DMD: variants seen among roughly 807,000 people sequenced by gnomAD.
DMD encodes the protein mutant dystrophin.
DMD carries 63 observed loss-of-function variants against 330.1 expected under a neutral mutation model. The ratio of observed to expected loss-of-function variants is 0.19; its 90% CI spans 0.16 to 0.24. DMD has a LOEUF of 0.24. Ranked by LOEUF, DMD falls within the 10% of genes least tolerant of loss-of-function variation. DMD has a pLI of 1.00. For synonymous variants in DMD, 1,223 were observed against 959.8 expected, an observed-to-expected ratio of 1.27 and a Z score of -5.07; for missense variants, 3,344 against 2,684.1, an observed-to-expected ratio of 1.25 and a Z score of -5.43.
intron 20 of DMD, among the ~76,000 whole-genome samples, chrX:32,489,356 G>A (rs1270197938): frequency 1.8e-5 from 2 of 110,060 alleles, no homozygotes; most frequent in African/African-American, 6.6e-5. Context: ...CGGGGTGGGG[G>A]GCTAATCCCT....
At chrX:33,251,733 C>G (rs374938935) in intron 1 of DMD, among the ~76,000 whole-genome samples, 1 of 111,579 alleles carries the variant, frequency 9.0e-6, no homozygotes, top group African/African-American at 3.3e-5. Flanking sequence ...GATTCTTCTC[C>G]CCAGAGATAC....
intron 27 of DMD, among the ~76,000 whole-genome samples, chrX:32,445,926 T>C (rs1477446133): frequency 9.0e-6 from 1 of 111,189 alleles, no homozygotes; most frequent in Non-Finnish European, 1.9e-5. Flanking sequence ...ACTATTTCTC[T>C]ATTGAAGGAT....
rs1470041213 is a variant in DMD, at chrX:32,785,305, G to A, written c.649+24188C>T. Among the ~76,000 whole-genome samples, 3 of 110,657 alleles carry A rather than the reference G, an allele frequency of 2.7e-5. No individual in the cohort carries two copies. The East Asian group carries it at 8.5e-4, about 31-fold the overall frequency. On this transcript the variant is annotated intron_variant, in intron 7 of 78. Transcript: ENST00000357033. ...CATAATATTAATGTATTTGGCTTGT[G>A]TAAGTAACAATATTTAAGCTCTGAC...
chrX:32,731,317 T>C (rs111719928), intron 7 of DMD, among the ~76,000 whole-genome samples: 4,091 of 111,684 alleles, frequency 0.037, 101 homozygotes, highest in African/African-American at 0.099. Context: ...AACTGCAAGG[T>C]GGCAGCAAGG....
intron 55 of DMD, among the ~76,000 whole-genome samples, chrX:31,603,980 C>T (rs2077491180): frequency 1.8e-5 from 2 of 112,343 alleles, no homozygotes; most frequent in South Asian, 7.3e-4. Context: ...CATCACCCTT[C>T]CTGGGAAATG....
Position 31,810,025 on chromosome X carries a change from T to A in DMD, c.7309+9950A>T, listed in dbSNP as rs190389934. Among the ~76,000 whole-genome samples the A allele has an allele frequency of 1.4e-4, 15 of 107,580 alleles. No individual in the cohort carries two copies. In the East Asian group the frequency reaches 4.5e-3, roughly 32 times the overall value. 93.4% of individuals were successfully genotyped at this position (107,580 alleles called of 115,157 possible). On this transcript the variant is annotated intron_variant, in intron 50 of 78. Transcript: ENST00000357033. ...TTATTATTACATGGGAAGGTTGATGTATTTGATCTATCTGTAAAATATATG... is the reference window on the plus strand; with the variant it reads ...TTATTATTACATGGGAAGGTTGATGAATTTGATCTATCTGTAAAATATATG...
chrX:32,204,084 C>T (rs1331471372), intron 44 of DMD, among the ~76,000 whole-genome samples: 1 of 111,254 alleles, frequency 9.0e-6, no homozygotes, highest in African/African-American at 3.3e-5. Flanking sequence ...AGACCTTGTC[C>T]TGTAGTCAGT....
chrX:33,081,883 A>T (rs1032036993), intron 1 of DMD, among the ~76,000 whole-genome samples: 8 of 111,100 alleles, frequency 7.2e-5, no homozygotes, highest in Non-Finnish European at 1.9e-5. Context: ...CAGATAACAC[A>T]ATGAAAAACA....
At chrX:33,104,992 C>T (rs5972751) in intron 1 of DMD, among the ~76,000 whole-genome samples, 36,459 of 110,675 alleles carry the variant, frequency 0.33, 4,778 homozygotes, top group East Asian at 0.84. Context: ...TCCCATTCTC[C>T]CCCAGTTAAA....
chrX:31,135,909 A>C (rs1375112887), intron 76 of DMD, among the ~76,000 whole-genome samples: 1 of 112,111 alleles, frequency 8.9e-6, no homozygotes, highest in African/African-American at 3.2e-5. Flanking sequence ...TTCGGAAGCC[A>C]GTGACTAAAT....
chrX:31,264,645 T>C (rs2050855670), intron 62 of DMD, among the ~76,000 whole-genome samples: 1 of 112,068 alleles, frequency 8.9e-6, no homozygotes, highest in South Asian at 3.7e-4. Flanking sequence ...TGATAATCTT[T>C]TTCCCTTTTA....
chrX:31,935,880 C>A (rs1180585003), intron 45 of DMD, among the ~76,000 whole-genome samples: 1 of 110,960 alleles, frequency 9.0e-6, no homozygotes, highest in East Asian at 2.8e-4. Flanking sequence ...AAATCAAACA[C>A]TCCCCTCTTT....
intron 54 of DMD, among the ~76,000 whole-genome samples, chrX:31,638,791 T>C (rs898301205): frequency 4.4e-5 from 5 of 112,382 alleles, no homozygotes; most frequent in Admixed American, 1.9e-4. Context: ...GTAAGTTGCA[T>C]TTAGCATTTT....
intron 11 of DMD, among the ~76,000 whole-genome samples, chrX:32,614,675 CAT>C (rs2057421352): frequency 9.0e-6 from 1 of 111,429 alleles, no homozygotes; most frequent in Non-Finnish European, 1.9e-5. Context: ...AAAACTTTCA[CAT>C]AGTCAACTAA....
intron 7 of DMD, among the ~76,000 whole-genome samples, chrX:32,727,404 T>C (rs979758489): frequency 9.0e-6 from 1 of 110,967 alleles, no homozygotes; most frequent in Non-Finnish European, 1.9e-5. Flanking sequence ...AGAGCAGAAC[T>C]CTAAATTCTG....
intron 4 of DMD, among the ~76,000 whole-genome samples, chrX:32,842,234 G>A (rs1263478248): frequency 8.9e-6 from 1 of 112,081 alleles, no homozygotes; most frequent in East Asian, 2.8e-4. Flanking sequence ...TACACACACT[G>A]TCCACACTGA....
intron 2 of DMD, among the ~76,000 whole-genome samples, chrX:32,994,571 T>C (rs752529760): frequency 3.7e-4 from 41 of 111,552 alleles, no homozygotes; most frequent in African/African-American, 1.2e-3. Flanking sequence ...CCTTTGGATA[T>C]ATATCCAGAA....
chrX:33,205,309 A>G (rs2051504405), intron 1 of DMD, among the ~76,000 whole-genome samples: 1 of 112,453 alleles, frequency 8.9e-6, no homozygotes, highest in South Asian at 3.6e-4. Context: ...ATCGTTCTTA[A>G]GCACCAACAT....
chrX:32,330,211 A>G (rs1416543149), intron 41 of DMD, among the ~76,000 whole-genome samples: 1 of 112,410 alleles, frequency 8.9e-6, no homozygotes, highest in Non-Finnish European at 1.9e-5. Flanking sequence ...TATTCATAAA[A>G]CTAAATTTTA....
Sources: allele counts gnomAD v4.1 joint callset (sites outside exome capture counted in the v4.1 genomes callset), GRCh38; gene constraint gnomAD v4.1.1; transcripts MANE v1.5; gene names NCBI Gene and HGNC (gene_info 2026-07-23, HGNC 2026-07-21).